The following UMPS variants were observed in gnomAD, a reference collection of about 807,000 sequenced individuals.
The protein encoded by UMPS is uridine 5'-monophosphate synthase.
In UMPS, 21 loss-of-function variants were observed where a neutral mutation model predicts 38.9. The observed-to-expected ratio is 0.54, with a 90% confidence interval of 0.38 to 0.78. The LOEUF (loss-of-function observed/expected upper bound fraction) is 0.78, where lower values mean the gene tolerates loss of function less well. Among genes scored for constraint, UMPS ranks in the 30% least tolerant of loss-of-function variants. The pLI is 0.00. For missense variants in UMPS, 533 were observed against 591.6 expected, an observed-to-expected ratio of 0.90 and a Z score of 1.03; for synonymous variants, 208 against 219.3, an observed-to-expected ratio of 0.95 and a Z score of 0.45.
chr3:124,749,009 G>A lies in UMPS; in HGVS notation c.*4925G>A. 4.4e-6 allele frequency: 2 copies of A among 454,118 alleles called. No homozygotes were observed. Among genetic ancestry groups the A allele is most frequent in the Non-Finnish European group, 8.8e-6 (2 of 226,796 alleles). The allele number at this position is 454,118 out of a possible 1,614,324, so 28.1% of individuals were successfully genotyped here. On this transcript the variant is annotated 3_prime_UTR_variant, in exon 6 of 6. Transcript: ENST00000232607. ...GTCTTCGGGGGTGCCCTTGTGCACA[G>A]ACAGCTCCATAGTCCTGCCTCCAAT...
chr3:124,745,410 C>A lies in UMPS; in HGVS notation c.*1326C>A, dbSNP rs2242249. 0.019 allele frequency: 8,414 copies of A among 452,954 alleles called. 172 individuals carry two copies. The highest frequency in any genetic ancestry group is 0.06 in the East Asian group (866 of 14,368). The allele number at this position is 452,954 out of a possible 1,614,324, so 28.1% of individuals were successfully genotyped here. On this transcript the variant is annotated 3_prime_UTR_variant, in exon 6 of 6. Transcript: ENST00000232607. The stretch of plus-strand genomic sequence containing the variant: ...AGACAGAATCTCACTGTCGCCCAGG[C>A]TGGAGTTCAGTGGCACGATCTCGGC...
intron 1 of UMPS, 58 bp from the exon 2 acceptor site, chr3:124,735,035 A>T: frequency 6.8e-7 from 1 of 1,462,960 alleles, no homozygotes; most frequent in South Asian, 1.3e-5. Context: ...AATAAAAAAT[A>T]TAAAATAAAA....
intron 5 of UMPS, 86 bp downstream of exon 5, chr3:124,742,352 C>A: frequency 1.0e-6 from 1 of 984,430 alleles, no homozygotes; most frequent in Non-Finnish European, 1.6e-6. Flanking sequence ...TTATTATACA[C>A]TTGCTTAAGA....
intron 5 of UMPS, among the ~76,000 whole-genome samples, chr3:124,742,837 G>C (rs1245830587): frequency 6.6e-6 from 1 of 152,158 alleles, no homozygotes; most frequent in Non-Finnish European, 1.5e-5. Flanking sequence ...TCTAAGATGT[G>C]TGCTAAAATT....
chr3:124,747,978 G>C lies in UMPS; in HGVS notation c.*3894G>C. The C allele has an allele frequency of 4.4e-6, 2 of 453,584 alleles. No homozygotes were observed. Among genetic ancestry groups the C allele is most frequent in the South Asian group, 3.1e-5 (2 of 64,342 alleles). 28.1% of individuals were successfully genotyped at this position (453,584 alleles called of 1,614,324 possible). On this transcript the variant is annotated 3_prime_UTR_variant, in exon 6 of 6. Coordinates refer to ENST00000232607, the MANE Select transcript of UMPS (RefSeq NM_000373.4). ...GAATCGTGTCTTCAGTGCCAGGGCT[G>C]AATGAGAAAGGGCATTCCTTTTTGA...
chr3:124,744,462 T>G lies in UMPS; in HGVS notation c.*378T>G, dbSNP rs1393625389. ...CAGGATCTCACTCTGTTGCCCAGGA[T>G]GGAGTGCAGTGGTGAGATCACGGCT... On this transcript the variant is annotated 3_prime_UTR_variant, in exon 6 of 6. Coordinates refer to ENST00000232607, the MANE Select transcript of UMPS (RefSeq NM_000373.4). 2.2e-6 allele frequency: 1 copy of G among 454,232 alleles called. No individual in the cohort carries two copies. The highest frequency in any genetic ancestry group is 2.3e-5 in the Admixed American group (1 of 42,558). 28.1% of individuals were successfully genotyped at this position (454,232 alleles called of 1,614,324 possible). A position where few individuals can be genotyped will look rare whatever the true frequency, so the allele number is the denominator to read the frequency against.
chr3:124,741,741 G>A (rs1172963039), intron 4 of UMPS, among the ~76,000 whole-genome samples: 2 of 152,190 alleles, frequency 1.3e-5, no homozygotes, highest in Non-Finnish European at 2.9e-5. Flanking sequence ...ATATAGTATA[G>A]GATTTCTGCT....
At chr3:124,741,733 A>G (rs1559906775) in intron 4 of UMPS, among the ~76,000 whole-genome samples, 1 of 152,214 alleles carries the variant, frequency 6.6e-6, no homozygotes, top group African/African-American at 2.4e-5. Flanking sequence ...TTAGATGCAT[A>G]TAGTATAGGA....
intron 3 of UMPS, 56 bp downstream of exon 3, chr3:124,738,295 A>G: frequency 6.3e-7 from 1 of 1,575,784 alleles, no homozygotes; most frequent in Non-Finnish European, 8.7e-7. Context: ...AAACTGAAGA[A>G]GAAAAAGGAA....
intron 1 of UMPS, 84 bp downstream of exon 1, chr3:124,730,711 G>A (rs2063469256): frequency 2.7e-6 from 4 of 1,508,896 alleles, no homozygotes; most frequent in Admixed American, 4.0e-5. Flanking sequence ...GAGTTGGGCC[G>A]TGAGTGAGAG....
In UMPS at chr3:124,744,706, G is replaced by T. The variant is rs1375731760; in HGVS notation, c.*622G>T. On this transcript the variant is annotated 3_prime_UTR_variant, in exon 6 of 6. Coordinates refer to ENST00000232607, the MANE Select transcript of UMPS (RefSeq NM_000373.4). ...TTACAGGTGTGAGCCACTGTGCCCA[G>T]CCTAATTGCAGTAAGACAAAAATTC... 1 of 454,118 alleles carries T rather than the reference G, an allele frequency of 2.2e-6. No individual in the cohort carries two copies. Among genetic ancestry groups the T allele is most frequent in the Non-Finnish European group, 4.4e-6 (1 of 226,792 alleles). 28.1% of individuals were successfully genotyped at this position (454,118 alleles called of 1,614,324 possible).
At position 124,740,063 on chromosome 3, in the gene UMPS, A is replaced by G. The variant is rs755892422; in HGVS notation, c.1022A>G (p.Asn341Ser). ...ATAGCTTCCTGGGCAGATCTAGTAA[A>G]TGCTCACGTGGTGCCAGGCTCAGGA... ...FKIASWADLV[N>S]AHVVPGSGVV... Residue 341 changes from asparagine to serine, a missense_variant, in exon 4 of 6, where the codon AAT becomes AGT. By Grantham distance (46) the Asn-to-Ser change is conservative. Transcript: ENST00000232607. 4 of 1,614,050 alleles carry G rather than the reference A, an allele frequency of 2.5e-6. 1 individual carries two copies. In the South Asian group the frequency reaches 4.4e-5, roughly 18 times the overall value.
chr3:124,743,931 A>G lies in UMPS; in HGVS notation c.1290A>G (p.Gln430=), dbSNP rs17843847. ...TTCTTGCAGGAGATAATCTTGGCCAACAGTACAATAGCCCACAAGAAGTTA... is the reference window on the plus strand; with the variant it reads ...TTCTTGCAGGAGATAATCTTGGCCAGCAGTACAATAGCCCACAAGAAGTTA... ...QLEAGGDNLG[Q]QYNSPQEVIG... The change falls in exon 6 of 6, where the codon CAA becomes CAG. Residue 430 remains glutamine, a synonymous_variant. Coordinates refer to ENST00000232607, the MANE Select transcript of UMPS (RefSeq NM_000373.4). 1.2e-3 allele frequency: 1,981 copies of G among 1,614,196 alleles called. 29 individuals carry two copies. The South Asian group carries it at 0.02, about 17-fold the overall frequency.
chr3:124,731,783 G>C (rs191745808), intron 1 of UMPS, among the ~76,000 whole-genome samples: 5 of 151,660 alleles, frequency 3.3e-5, no homozygotes, highest in Middle Eastern at 3.4e-3. Context: ...TGTAATCCCA[G>C]CTACTCAGGA....
rs143558681 is a variant in UMPS at position 124,744,756 on chromosome 3, GC to G, written c.*673del. The G allele has an allele frequency of 3.0e-3, 1,379 of 454,096 alleles. 12 individuals carry two copies. Among genetic ancestry groups the G allele is most frequent in the African/African-American group, 0.024 (1,223 of 50,116 alleles). The allele number at this position is 454,096 out of a possible 1,614,324, so 28.1% of individuals were successfully genotyped here. A position where few individuals can be genotyped will look rare whatever the true frequency, so the allele number is the denominator to read the frequency against. On this transcript the variant is annotated 3_prime_UTR_variant, in exon 6 of 6. Transcript: ENST00000232607. The stretch of plus-strand genomic sequence containing the variant: ...CTAGGGCACCAAGAGGCTAAAGTCA[GC>G]ACAGCTTTTCTTGTGTCCTGTATTC...
At chr3:124,733,856 T>C (rs2063498057) in intron 1 of UMPS, 1 of 152,272 alleles carries the variant, frequency 6.6e-6, no homozygotes, top group African/African-American at 2.4e-5. Flanking sequence ...AATTTCAGTT[T>C]ACATACATAT....
chr3:124,734,253 T>G (rs2063501621), intron 1 of UMPS, among the ~76,000 whole-genome samples: 1 of 151,702 alleles, frequency 6.6e-6, no homozygotes, highest in African/African-American at 2.4e-5. Context: ...AGTGACTGTT[T>G]GCTTTTTTAA....
rs1204450021 is a variant in UMPS at position 124,740,188 on chromosome 3, A to G, written c.1147A>G (p.Thr383Ala). 1 of 1,611,836 alleles carries G rather than the reference A, an allele frequency of 6.2e-7. No homozygotes were observed. Among genetic ancestry groups the G allele is most frequent in the Non-Finnish European group, 8.5e-7 (1 of 1,179,060 alleles). The change falls in exon 4 of 6, where the codon ACT becomes GCT. Residue 383 changes from threonine to alanine, a missense_variant. By Grantham distance (58) the Thr-to-Ala change is moderately conservative. Transcript: ENST00000232607. ...CGGCTCCCTGGCCACTGGGGACTAC[A>G]CTAGAGCAGCGGTAAGTGGTGGGGG... The part of the protein sequence containing the change: ...STGSLATGDY[T>A]RAAVRMAEEH...
Position 124,748,484 on chromosome 3 carries a change from G to A in UMPS, c.*4400G>A, listed in dbSNP as rs1291877330. 1 of 453,722 alleles carries A rather than the reference G, an allele frequency of 2.2e-6. No homozygotes were observed. Among genetic ancestry groups the A allele is most frequent in the East Asian group, 6.9e-5 (1 of 14,410 alleles). 28.1% of individuals were successfully genotyped at this position (453,722 alleles called of 1,614,324 possible). On this transcript the variant is annotated 3_prime_UTR_variant, in exon 6 of 6. Transcript: ENST00000232607. ...TTTAACTTCTAAAGTTCAAGGTTTT[G>A]GCATAAGTCTGGTTTAGAAGCACAT...
Sources: allele counts gnomAD v4.1 joint callset (sites outside exome capture counted in the v4.1 genomes callset), GRCh38; gene constraint gnomAD v4.1.1; transcripts MANE v1.5; gene names NCBI Gene and HGNC (gene_info 2026-07-23, HGNC 2026-07-21).